ITGB8: variants seen among roughly 807,000 people sequenced by gnomAD.
The protein encoded by ITGB8 is integrin beta-8.
ITGB8 carries 30 observed loss-of-function variants against 89.5 expected under a neutral mutation model. The ratio of observed to expected loss-of-function variants is 0.34; its 90% CI spans 0.25 to 0.45. ITGB8 has a LOEUF of 0.45. Among genes scored for constraint, ITGB8 ranks in the 20% least tolerant of loss-of-function variants. The pLI is 1.00. For missense variants in ITGB8, 836 were observed against 933.3 expected (o/e 0.90, Z 1.36); for synonymous variants, 335 against 320.4 (o/e 1.05, Z -0.49).
intron 3 of ITGB8, among the ~76,000 whole-genome samples, chr7:20,377,969 A>G (rs914246111): frequency 6.6e-6 from 1 of 152,254 alleles, no homozygotes; most frequent in Non-Finnish European, 1.5e-5. Context: ...AATTATGTAT[A>G]CAAATGAATG....
chr7:20,343,710 C>G (rs1784835441), intron 1 of ITGB8, among the ~76,000 whole-genome samples: 1 of 152,326 alleles, frequency 6.6e-6, no homozygotes, highest in Admixed American at 6.5e-5. Context: ...CACCCATTCT[C>G]TTCCTCTAAT....
At chr7:20,336,351 A>G (rs961613794) in intron 1 of ITGB8, among the ~76,000 whole-genome samples, 1 of 152,086 alleles carries the variant, frequency 6.6e-6, no homozygotes, top group African/African-American at 2.4e-5. Flanking sequence ...CCTCCAGAAT[A>G]TTTATCTCTA....
At chr7:20,362,368 GCA>G (rs1448785999) in intron 1 of ITGB8, among the ~76,000 whole-genome samples, 2 of 152,300 alleles carry the variant, frequency 1.3e-5, no homozygotes, top group South Asian at 2.1e-4. Flanking sequence ...GTGTGCACAT[GCA>G]CACAGTTTTC....
At chr7:20,372,983 G>A (rs1445170356) in intron 3 of ITGB8, among the ~76,000 whole-genome samples, 2 of 152,122 alleles carry the variant, frequency 1.3e-5, no homozygotes, top group Non-Finnish European at 2.9e-5. Context: ...TGATGTGAAA[G>A]TCCTTTTCAC....
At chr7:20,382,167 T>G (rs1786426085) in intron 6 of ITGB8, 1 of 262,880 alleles carries the variant, frequency 3.8e-6, no homozygotes, top group South Asian at 1.0e-4. Context: ...ATTTTACTTT[T>G]TATGTAATTC....
At chr7:20,358,648 C>T (rs1480630609) in intron 1 of ITGB8, among the ~76,000 whole-genome samples, 1 of 152,146 alleles carries the variant, frequency 6.6e-6, no homozygotes, top group Non-Finnish European at 1.5e-5. Context: ...GGTGATCCAC[C>T]CACCTCGGCC....
At chr7:20,338,504 G>A (rs867998132) in intron 1 of ITGB8, among the ~76,000 whole-genome samples, 6 of 152,018 alleles carry the variant, frequency 3.9e-5, no homozygotes, top group African/African-American at 7.2e-5. Context: ...ATGGCAGTGC[G>A]CACCTGTAGT....
chr7:20,366,836 A>T, intron 2 of ITGB8, 176 bp from the exon 3 acceptor site: 1 of 539,382 alleles, frequency 1.9e-6, no homozygotes, highest in Admixed American at 3.9e-5. Context: ...TTTTAGATGC[A>T]GAAAGTTGGA....
At chr7:20,383,945 C>A (rs1786505576) in intron 6 of ITGB8, among the ~76,000 whole-genome samples, 1 of 152,086 alleles carries the variant, frequency 6.6e-6, no homozygotes, top group African/African-American at 2.4e-5. Context: ...TACCCCAGGT[C>A]TTTGTTTTAA....
intron 1 of ITGB8, among the ~76,000 whole-genome samples, chr7:20,333,462 A>G (rs368599381): frequency 6.6e-6 from 1 of 152,248 alleles, no homozygotes; most frequent in South Asian, 2.1e-4. Context: ...TAGTAAACAC[A>G]CATACACACT....
At position 20,415,151 on chromosome 7, in the gene ITGB8, G is replaced by A. The variant is rs1787887426; in HGVS notation, c.*5154G>A. The A allele has an allele frequency of 6.6e-6, 1 of 152,346 alleles. No individual in the cohort carries two copies. Among genetic ancestry groups the A allele is most frequent in the Non-Finnish European group, 1.5e-5 (1 of 67,934 alleles). 9.4% of individuals were successfully genotyped at this position (152,346 alleles called of 1,614,324 possible). ...TTTTATTAAGAATATTGAGTATAAA[G>A]TACTTTAATTCTAAATTATAAGAAA... On this transcript the variant is annotated 3_prime_UTR_variant, in exon 14 of 14. Transcript: ENST00000222573.
chr7:20,349,128 T>A (rs1246441725), intron 1 of ITGB8, among the ~76,000 whole-genome samples: 1 of 152,172 alleles, frequency 6.6e-6, no homozygotes, highest in African/African-American at 2.4e-5. Context: ...ATCTATCCTA[T>A]AAGATACAGT....
At chr7:20,398,188 C>T (rs1012813302) in intron 8 of ITGB8, among the ~76,000 whole-genome samples, 10 of 152,100 alleles carry the variant, frequency 6.6e-5, no homozygotes, top group Non-Finnish European at 1.5e-4. Flanking sequence ...TGGTTTTCTG[C>T]CCAGTAAGAG....
rs112119749 is a variant in ITGB8, at chr7:20,331,896, C to T, written c.90C>T (p.Ala30=). ...RRGPASFLWA[A]WVFSLVLGLG... ...GTCCCGCCTCGTTCCTCTGGGCAGCCTGGGTGTTTTCACTTGTTCTTGGAC... is the reference window on the plus strand; with the variant it reads ...GTCCCGCCTCGTTCCTCTGGGCAGCTTGGGTGTTTTCACTTGTTCTTGGAC... The change falls in exon 1 of 14, where the codon GCC becomes GCT. Residue 30 remains alanine, a synonymous_variant. Coordinates refer to ENST00000222573, the MANE Select transcript of ITGB8 (RefSeq NM_002214.3). 6.2e-7 allele frequency: 1 copy of T among 1,614,068 alleles called. No homozygotes were observed. Among genetic ancestry groups the T allele is most frequent in the African/African-American group, 1.3e-5 (1 of 74,936 alleles).
intron 1 of ITGB8, among the ~76,000 whole-genome samples, chr7:20,337,404 A>G (rs998275825): frequency 6.6e-5 from 10 of 152,224 alleles, no homozygotes; most frequent in African/African-American, 1.9e-4. Context: ...CTTAAAGCAC[A>G]TACAGCTTTA....
intron 3 of ITGB8, among the ~76,000 whole-genome samples, chr7:20,371,791 C>T (rs1290960657): frequency 6.6e-6 from 1 of 152,134 alleles, no homozygotes; most frequent in Non-Finnish European, 1.5e-5. Context: ...GCATGCATTC[C>T]TGGCAGTAGA....
chr7:20,399,318 G>T (rs1787211837), intron 9 of ITGB8, among the ~76,000 whole-genome samples: 1 of 152,138 alleles, frequency 6.6e-6, no homozygotes, highest in African/African-American at 2.4e-5. Flanking sequence ...CAAATAAGTA[G>T]TGTCTGTACT....
At chr7:20,405,049 A>G (rs543514949) in intron 11 of ITGB8, among the ~76,000 whole-genome samples, 196 bp downstream of exon 11, 39 of 152,294 alleles carry the variant, frequency 2.6e-4, no homozygotes, top group Non-Finnish European at 4.9e-4. Context: ...GCATCAGAGT[A>G]TATCTGGACA....
At chr7:20,359,510 T>C (rs898572535) in intron 1 of ITGB8, among the ~76,000 whole-genome samples, 8 of 152,174 alleles carry the variant, frequency 5.3e-5, no homozygotes, top group Admixed American at 5.2e-4. Context: ...TTTCTTGTAA[T>C]GTTGGATGGG....
Sources: gnomAD v4.1 joint callset for allele counts (sites outside exome capture counted in the v4.1 genomes callset) on GRCh38, gnomAD v4.1.1 for gene constraint, MANE v1.5 for transcripts, NCBI Gene and HGNC (gene_info 2026-07-23, HGNC 2026-07-21) for gene names.